HIVEP3: variants seen among roughly 807,000 people sequenced by gnomAD.
HIVEP3 encodes transcription factor HIVEP3.
In HIVEP3, 49 loss-of-function variants were observed where a neutral mutation model predicts 152.8. That is an observed-to-expected ratio of 0.32 (90% CI 0.26 to 0.41). HIVEP3 has a LOEUF of 0.41. Ranked by LOEUF, HIVEP3 falls within the 10% of genes least tolerant of loss-of-function variation. HIVEP3 has a pLI of 1.00. For missense variants in HIVEP3, 2,790 were observed against 3,103.3 expected (o/e 0.90, Z 2.40); for synonymous variants, 1,269 against 1,289.0 (o/e 0.98, Z 0.33).
chr1:41,765,935 C>T (rs1361418114), intron 1 of HIVEP3, among the ~76,000 whole-genome samples: 2 of 152,226 alleles, frequency 1.3e-5, no homozygotes, highest in Non-Finnish European at 2.9e-5. Flanking sequence ...TTCTCTCCAG[C>T]TGTCTCTCTG....
At chr1:41,554,417 T>C (rs897144790) in intron 5 of HIVEP3, among the ~76,000 whole-genome samples, 1 of 152,190 alleles carries the variant, frequency 6.6e-6, no homozygotes, top group Non-Finnish European at 1.5e-5. Context: ...TTAGCTTCCT[T>C]GCGATGGGTT....
intron 1 of HIVEP3, among the ~76,000 whole-genome samples, chr1:41,995,626 C>G (rs909048994): frequency 6.6e-6 from 1 of 152,054 alleles, no homozygotes; most frequent in Admixed American, 6.6e-5. Flanking sequence ...CATAAAACAT[C>G]AAAAATGCCT....
intron 2 of HIVEP3, among the ~76,000 whole-genome samples, chr1:41,680,270 T>C (rs980381887): frequency 6.6e-6 from 1 of 152,228 alleles, no homozygotes; most frequent in South Asian, 2.1e-4. Flanking sequence ...GTACTGAGCA[T>C]GTCCAAGGTA....
intron 1 of HIVEP3, among the ~76,000 whole-genome samples, chr1:41,781,471 G>A (rs1223117030): frequency 6.6e-6 from 1 of 152,158 alleles, no homozygotes; most frequent in African/African-American, 2.4e-5. Flanking sequence ...AAGGGCTCTT[G>A]AAATGGCTGC....
At position 41,510,378 on chromosome 1, in the gene HIVEP3, G is replaced by T; in HGVS notation, c.*73C>A. On this transcript the variant is annotated 3_prime_UTR_variant, in exon 9 of 9. Coordinates refer to ENST00000372583, the MANE Select transcript of HIVEP3 (RefSeq NM_024503.5). ...ACAGATGGGGCTGAGGAAGTGGGAT[G>T]ATTCGAGGAAAGTGGCTGGAAACGT... The T allele has an allele frequency of 6.1e-6, 8 of 1,305,136 alleles. 1 individual carries two copies. The South Asian group carries it at 1.5e-4, about 25-fold the overall frequency. 80.8% of individuals were successfully genotyped at this position (1,305,136 alleles called of 1,614,324 possible). A position where few individuals can be genotyped will look rare whatever the true frequency, so the allele number is the denominator to read the frequency against.
rs146443458 is a variant in HIVEP3, at chr1:41,791,088, T to G, written c.-800-90093A>C. On this transcript the variant is annotated intron_variant, in intron 1 of 8. Transcript: ENST00000372583. ...TCCTGTAGTCATCCTTAGTTATCCA[T>G]AATTCTCTCCCCACAGCACAGGCAC... 1.4e-3 allele frequency among the ~76,000 whole-genome samples: 206 copies of G among 151,116 alleles called. 1 individual carries two copies. Among genetic ancestry groups the G allele is most frequent in the Admixed American group, 5.5e-3 (83 of 15,146 alleles).
At chr1:41,663,974 G>C (rs1379446531) in intron 2 of HIVEP3, among the ~76,000 whole-genome samples, 1 of 152,180 alleles carries the variant, frequency 6.6e-6, no homozygotes, top group African/African-American at 2.4e-5. Context: ...CCACGGACCA[G>C]CTGCATCTCC....
At chr1:41,688,334 T>C (rs866665872) in intron 2 of HIVEP3, among the ~76,000 whole-genome samples, 10 of 152,222 alleles carry the variant, frequency 6.6e-5, no homozygotes, top group African/African-American at 2.4e-4. Flanking sequence ...CAGGACTCTT[T>C]TCCTGGATGG....
chr1:41,911,768 AT>A (rs1397271965), intron 1 of HIVEP3, among the ~76,000 whole-genome samples: 2 of 152,244 alleles, frequency 1.3e-5, no homozygotes, highest in Admixed American at 1.3e-4. Context: ...AGGACGAAAC[AT>A]TTAACAACCA....
In HIVEP3 at chr1:41,918,208, C is replaced by G. The variant is rs1570807342; in HGVS notation, c.-801+205G>C. On this transcript the variant is annotated intron_variant, in intron 1 of 8. Transcript: ENST00000372583. The surrounding 1 kb of genome is among the most constrained non-coding windows in gnomAD (Gnocchi z 4.3). ...CAGGCCGAGCAGCGCGCTCAGCCCA[C>G]CGGGGGCACTGGCCGCCACGCGCAG... Among the ~76,000 whole-genome samples the G allele has an allele frequency of 3.5e-5, 2 of 56,658 alleles. No individual in the cohort carries two copies. The highest frequency in any genetic ancestry group is 1.7e-3 in the South Asian group (2 of 1,202). The allele number at this position is 56,658 out of a possible 152,430, so 37.2% of individuals were successfully genotyped here.
At chr1:41,665,707 TAC>T (rs10530354) in intron 2 of HIVEP3, among the ~76,000 whole-genome samples, 203 of 127,924 alleles carry the variant, frequency 1.6e-3, no homozygotes, top group Middle Eastern at 0.012. Context: ...GGAAATGTTA[TAC>T]ACACACACAC....
intron 1 of HIVEP3, among the ~76,000 whole-genome samples, chr1:41,795,010 C>T (rs1349205574): frequency 6.6e-6 from 1 of 152,186 alleles, no homozygotes; most frequent in Non-Finnish European, 1.5e-5. Context: ...TTACTATAAC[C>T]TCAAATGGAC....
rs1246978473 is a variant in HIVEP3, at chr1:41,581,663, CAAG to C, written c.3132_3134del (p.Phe1044del). 3.1e-6 allele frequency: 5 copies of C among 1,614,188 alleles called. No individual in the cohort carries two copies. In the Admixed American group the frequency reaches 8.3e-5, roughly 27 times the overall value. The stretch of plus-strand genomic sequence containing the variant: ...GCCTGCTCAGAGAGGCCTGTCTCAC[CAAG>C]AAGCATTTTCTTCTCTCTGGCGGGG... On this transcript the variant is annotated inframe_deletion, in exon 4 of 9. Coordinates refer to ENST00000372583, the MANE Select transcript of HIVEP3 (RefSeq NM_024503.5). The surrounding 1 kb of genome is among the most constrained non-coding windows in gnomAD (Gnocchi z 4.5).
intron 4 of HIVEP3, among the ~76,000 whole-genome samples, chr1:41,576,040 C>T (rs1396930066): frequency 6.6e-6 from 1 of 152,222 alleles, no homozygotes; most frequent in African/African-American, 2.4e-5. Context: ...CCCCAGAACC[C>T]CATACAGGGC....
intron 2 of HIVEP3, among the ~76,000 whole-genome samples, chr1:41,681,961 C>A (rs1279479717): frequency 6.6e-6 from 1 of 152,184 alleles, no homozygotes; most frequent in African/African-American, 2.4e-5. Context: ...TAACGCTATC[C>A]CTGATGACAT....
At chr1:41,742,687 A>T (rs1350758032) in intron 1 of HIVEP3, among the ~76,000 whole-genome samples, 1 of 152,178 alleles carries the variant, frequency 6.6e-6, no homozygotes, top group Non-Finnish European at 1.5e-5. Context: ...AGTTGATTGT[A>T]CTGTGTCTAT....
chr1:41,585,428 C>T lies in HIVEP3; in HGVS notation c.-521-110G>A, dbSNP rs779549729. On this transcript the variant is annotated intron_variant, in intron 3 of 8. Coordinates refer to ENST00000372583, the MANE Select transcript of HIVEP3 (RefSeq NM_024503.5). ...AGCCCAGACTCGGTGCCACACCTGG[C>T]TGAGACCCCTCAAAAGTTAACCAGG... 3.3e-5 allele frequency: 13 copies of T among 398,186 alleles called. No homozygotes were observed. The East Asian group carries it at 4.6e-4, about 14-fold the overall frequency. 24.7% of individuals were successfully genotyped at this position (398,186 alleles called of 1,614,324 possible).
chr1:41,587,102 G>A (rs557553693), intron 3 of HIVEP3, among the ~76,000 whole-genome samples: 1 of 152,216 alleles, frequency 6.6e-6, no homozygotes, highest in South Asian at 2.1e-4. Context: ...AGACAGGATG[G>A]AACATCTAAG....
At chr1:41,780,168 G>T (rs576387486) in intron 1 of HIVEP3, among the ~76,000 whole-genome samples, 205 of 152,054 alleles carry the variant, frequency 1.3e-3, no homozygotes, top group African/African-American at 4.5e-3. Context: ...GACGCTCAGG[G>T]TCTCAAAGTG....
Sources: allele counts gnomAD v4.1 joint callset (sites outside exome capture counted in the v4.1 genomes callset), GRCh38; gene constraint gnomAD v4.1.1; non-coding constraint Gnocchi (gnomAD v3.1); transcripts MANE v1.5; gene names NCBI Gene and HGNC (gene_info 2026-07-23, HGNC 2026-07-21).